The following IGSF9 variants were observed in gnomAD, a reference collection of about 807,000 sequenced individuals.
IGSF9 encodes the protein immunoglobulin superfamily member 9.
A neutral mutation model predicts 121.7 loss-of-function variants in IGSF9; 87 were observed. The observed-to-expected ratio is 0.71, with a 90% CI of 0.60 to 0.85. The LOEUF is 0.85. Ranked by LOEUF, IGSF9 falls within the 40% of genes least tolerant of loss-of-function variation. The pLI, the probability that IGSF9 is intolerant of heterozygous loss-of-function variation, is 0.00. For synonymous variants in IGSF9, 640 were observed against 648.4 expected, an observed-to-expected ratio of 0.99 and a Z score of 0.20; for missense variants, 1,462 against 1,565.3, an observed-to-expected ratio of 0.93 and a Z score of 1.11.
At position 159,928,591 on chromosome 1, in the gene IGSF9, G is replaced by A. The variant is rs1186488790; in HGVS notation, c.2797C>T (p.Arg933Ter). The A allele has an allele frequency of 5.3e-6, 8 of 1,511,490 alleles. No homozygotes were observed. The highest frequency in any genetic ancestry group is 1.3e-5 in the South Asian group (1 of 75,096). The allele number at this position is 1,511,490 out of a possible 1,614,324, so 93.6% of individuals were successfully genotyped here. Residue 933 changes from arginine to a stop codon, truncating the protein, a stop_gained, in exon 19 of 21, where the codon CGA becomes TGA. Coordinates refer to ENST00000368094, the MANE Select transcript of IGSF9 (RefSeq NM_001135050.2). LOFTEE classifies it high-confidence loss of function. ...LLQYLSLPFF[R>*]EMNVDGDWPP... Reference sequence around the variant, plus strand: ...CAGTCCCCATCCACATTCATCTCTCGGAAGAAGGGCAGGCTCAGGTACTGG... The same window carrying A: ...CAGTCCCCATCCACATTCATCTCTCAGAAGAAGGGCAGGCTCAGGTACTGG...
intron 1 of IGSF9, among the ~76,000 whole-genome samples, chr1:159,944,491 C>G (rs1651522418): frequency 1.3e-5 from 2 of 152,192 alleles, no homozygotes. Flanking sequence ...CACCCAAATC[C>G]CTCCCACTCA....
Position 159,929,913 on chromosome 1 carries a change from G to A in IGSF9, c.2127C>T (p.Asn709=). ...CACCGGAAGTGGAGACGTTGGCCGT[G>A]TTGCTGGGGTCGCTGACGAAGCTGC... ...FAGSFVSDPS[N]TANVSTSGLE... is the part of the protein sequence containing the mutation. Residue 709 remains asparagine, a synonymous_variant, in exon 16 of 21, where the codon AAC becomes AAT. Coordinates refer to ENST00000368094, the MANE Select transcript of IGSF9 (RefSeq NM_001135050.2). The A allele has an allele frequency of 1.3e-6, 2 of 1,576,820 alleles. No homozygotes were observed. The highest frequency in any genetic ancestry group is 1.3e-5 in the African/African-American group (1 of 74,202).
chr1:159,943,286 C>A (rs1443851629), intron 2 of IGSF9, 111 bp downstream of exon 2: 2 of 1,339,874 alleles, frequency 1.5e-6, no homozygotes, highest in Non-Finnish European at 2.0e-6. Flanking sequence ...TCTCCAGAAC[C>A]AGCCCTATTC....
At position 159,929,904 on chromosome 1, in the gene IGSF9, G is replaced by T; in HGVS notation, c.2136C>A (p.Asn712Lys). The T allele has an allele frequency of 6.3e-7, 1 of 1,574,822 alleles. No individual in the cohort carries two copies. The highest frequency in any genetic ancestry group is 8.6e-7 in the Non-Finnish European group (1 of 1,160,794). Residue 712 changes from asparagine (N) to lysine (K), a missense_variant, in exon 16 of 21, where the codon AAC becomes AAA. Coordinates refer to ENST00000368094, the MANE Select transcript of IGSF9 (RefSeq NM_001135050.2). The stretch of plus-strand genomic sequence containing the variant: ...CCAGGTGCTCACCGGAAGTGGAGAC[G>T]TTGGCCGTGTTGCTGGGGTCGCTGA... ...SFVSDPSNTANVSTSGLEVYP... is the reference protein window; with the variant it reads ...SFVSDPSNTAKVSTSGLEVYP...
chr1:159,932,721 A>G lies in IGSF9; in HGVS notation c.1105-69T>C. On this transcript the variant is annotated intron_variant, in intron 9 of 20. Coordinates refer to ENST00000368094, the MANE Select transcript of IGSF9 (RefSeq NM_001135050.2). This position sits in a 1 kb window ranked among gnomAD's most constrained non-coding sequence, Gnocchi z 4.1. Reference sequence around the variant, plus strand: ...GAGACAAGCCCGGGATGGCAGTACAAGAGAGGGGGCAGGATGAGAAACCCA... The same window carrying G: ...GAGACAAGCCCGGGATGGCAGTACAGGAGAGGGGGCAGGATGAGAAACCCA... The G allele has an allele frequency of 6.7e-7, 1 of 1,502,180 alleles. No individual in the cohort carries two copies. The allele number at this position is 1,502,180 out of a possible 1,614,324, so 93.1% of individuals were successfully genotyped here.
chr1:159,927,577 G>C (rs1300505505), intron 20 of IGSF9, 51 bp from the exon 21 acceptor site: 1 of 1,583,026 alleles, frequency 6.3e-7, no homozygotes, highest in Admixed American at 1.7e-5. Flanking sequence ...TTCACTGAGT[G>C]AAGAGCTCAG....
rs374998198 is a variant in IGSF9, at chr1:159,931,283, G to A, written c.1514-22C>T. On this transcript the variant is annotated intron_variant, in intron 12 of 20. Transcript: ENST00000368094. This position sits in a 1 kb window ranked among gnomAD's most constrained non-coding sequence, Gnocchi z 4.8. ...GTGCCTAGGCAGGGGGGAATGGAGG[G>A]ATGGTGGTCAGGGCCTGAGGGAGTG... 6.2e-6 allele frequency: 10 copies of A among 1,613,922 alleles called. No individual in the cohort carries two copies. In the African/African-American group the frequency reaches 9.3e-5, roughly 15 times the overall value.
Position 159,929,627 on chromosome 1 carries a change from G to C in IGSF9, c.2326+11C>G. On this transcript the variant is annotated intron_variant, in intron 17 of 20. Coordinates refer to ENST00000368094, the MANE Select transcript of IGSF9 (RefSeq NM_001135050.2). The stretch of plus-strand genomic sequence containing the variant: ...GTGCGCAGTAGCAGGGCTGAGGGTG[G>C]AGGGACTTACCTTGGCGGAGGCGCT... 6.3e-7 allele frequency: 1 copy of C among 1,591,206 alleles called. No homozygotes were observed. Among genetic ancestry groups the C allele is most frequent in the Non-Finnish European group, 8.5e-7 (1 of 1,170,068 alleles).
intron 5 of IGSF9, 75 bp from the exon 6 acceptor site, chr1:159,936,591 A>G (rs989883095): frequency 2.6e-6 from 4 of 1,540,896 alleles, no homozygotes; most frequent in Non-Finnish European, 2.7e-6. Flanking sequence ...TTTGGCCAGC[A>G]GAGGGAGGCA....
rs1650799795 is a variant in IGSF9 at position 159,927,907 on chromosome 1, G to T, written c.3231-20C>A. On this transcript the variant is annotated intron_variant, in intron 19 of 20. Coordinates refer to ENST00000368094, the MANE Select transcript of IGSF9 (RefSeq NM_001135050.2). ...TTCCTCCTGTAAAAAAAAAAAAAAA[G>T]ACAAACATATGGTGTGGGTGGAGGA... 2.1e-6 allele frequency: 3 copies of T among 1,439,486 alleles called. No homozygotes were observed. Among genetic ancestry groups the T allele is most frequent in the African/African-American group, 1.4e-5 (1 of 69,218 alleles). 89.2% of individuals were successfully genotyped at this position (1,439,486 alleles called of 1,614,324 possible).
Position 159,934,182 on chromosome 1 carries a change from G to C in IGSF9, c.1104+8C>G. On this transcript the variant is annotated splice_region_variant and intron_variant, in intron 9 of 20. Coordinates refer to ENST00000368094, the MANE Select transcript of IGSF9 (RefSeq NM_001135050.2). ...TAAGACCCTCCTTCCCCTGCCCCAA[G>C]CCTGTACCTTGTCCAGCTGCAGGGC... The C allele has an allele frequency of 6.2e-7, 1 of 1,610,702 alleles. No individual in the cohort carries two copies. The highest frequency in any genetic ancestry group is 8.5e-7 in the Non-Finnish European group (1 of 1,178,538).
chr1:159,937,350 A>G (rs1651227417), intron 4 of IGSF9, among the ~76,000 whole-genome samples: 1 of 151,176 alleles, frequency 6.6e-6, no homozygotes, highest in Non-Finnish European at 1.5e-5. Flanking sequence ...GGTGCTATAT[A>G]TATGTGAGCT....
At chr1:159,945,232 T>C (rs546672104) in intron 1 of IGSF9, among the ~76,000 whole-genome samples, 86 of 150,464 alleles carry the variant, frequency 5.7e-4, no homozygotes, top group Middle Eastern at 3.4e-3. Context: ...CTCCTCCCGA[T>C]AATTCCCCTC....
intron 4 of IGSF9, among the ~76,000 whole-genome samples, 162 bp from the exon 5 acceptor site, chr1:159,937,070 G>C (rs1651216895): frequency 6.6e-6 from 1 of 152,196 alleles, no homozygotes; most frequent in African/African-American, 2.4e-5. Context: ...CTGCACCCAG[G>C]CCAAATGAGG....
At chr1:159,935,521 C>T (rs1448580254) in intron 6 of IGSF9, among the ~76,000 whole-genome samples, 1 of 152,198 alleles carries the variant, frequency 6.6e-6, no homozygotes, top group Non-Finnish European at 1.5e-5. Context: ...CCTGGCCGCG[C>T]CACATACCTC....
At position 159,929,708 on chromosome 1, in the gene IGSF9, C is replaced by G; in HGVS notation, c.2256G>C (p.Val752=). The G allele has an allele frequency of 1.5e-5, 24 of 1,600,206 alleles. No individual in the cohort carries two copies. The highest frequency in any genetic ancestry group is 2.0e-5 in the Non-Finnish European group (24 of 1,174,604). ...GVCFLGVAVL[V]SILAGCLLNR... is the part of the protein sequence containing the mutation. ...TCAGGAGGCAGCCGGCCAGGATGCTCACAAGGACGGCCACTCCCAGAAAGC... is the reference window on the plus strand; with the variant it reads ...TCAGGAGGCAGCCGGCCAGGATGCTGACAAGGACGGCCACTCCCAGAAAGC... The change falls in exon 17 of 21, where the codon GTG becomes GTC. Residue 752 remains valine (V), a synonymous_variant. Coordinates refer to ENST00000368094, the MANE Select transcript of IGSF9 (RefSeq NM_001135050.2).
chr1:159,927,076 T>TCACACACACACACACACACA lies in IGSF9; in HGVS notation c.*249_*268dup. The TCACACACACACACACACACA allele has an allele frequency of 5.5e-6, 2 of 360,594 alleles. No individual in the cohort carries two copies. The highest frequency in any genetic ancestry group is 9.9e-6 in the Non-Finnish European group (2 of 202,670). 22.3% of individuals were successfully genotyped at this position (360,594 alleles called of 1,614,324 possible). A position where few individuals can be genotyped will look rare whatever the true frequency, so the allele number is the denominator to read the frequency against. ...TTTGTTTATTCACCTGTAAAAAACT[T>TCACACACACACACACACACA]CACACACACACACACACACACAGAG... On this transcript the variant is annotated 3_prime_UTR_variant, in exon 21 of 21. Transcript: ENST00000368094.
chr1:159,944,998 AAT>A (rs1211997686), intron 1 of IGSF9, among the ~76,000 whole-genome samples: 1 of 151,664 alleles, frequency 6.6e-6, no homozygotes, highest in African/African-American at 2.4e-5. Context: ...CCAGTCTCTT[AAT>A]ATCTTTCCAA....
At position 159,942,968 on chromosome 1, in the gene IGSF9, T is replaced by C; in HGVS notation, c.242A>G (p.Tyr81Cys). ...GLYSPRIDPD[Y>C]VGRVRLQKGA... ...CACCTGAGGAGAACTCTTACCCACG[T>C]AATCAGGGTCAATTCGGGGAGAGTA... Residue 81 changes from tyrosine to cysteine, a missense_variant, in exon 3 of 21, where the codon TAC becomes TGC. By Grantham distance (194) the Tyr-to-Cys change is radical. Transcript: ENST00000368094. The C allele has an allele frequency of 1.2e-6, 2 of 1,612,820 alleles. No individual in the cohort carries two copies. The highest frequency in any genetic ancestry group is 1.7e-5 in the Admixed American group (1 of 59,698).
Sources: gnomAD v4.1 joint callset for allele counts (sites outside exome capture counted in the v4.1 genomes callset) on GRCh38, gnomAD v4.1.1 for gene constraint, Gnocchi (gnomAD v3.1) non-coding constraint, MANE v1.5 for transcripts, NCBI Gene and HGNC (gene_info 2026-07-23, HGNC 2026-07-21) for gene names.